YES1: variants seen among roughly 807,000 people sequenced by gnomAD.
The protein encoded by YES1 is tyrosine-protein kinase Yes.
A neutral mutation model predicts 70.4 loss-of-function variants in YES1; 39 were observed. The observed-to-expected ratio is 0.55, with a 90% CI of 0.43 to 0.72. The LOEUF (loss-of-function observed/expected upper bound fraction) is 0.72, where lower values mean the gene tolerates loss of function less well. Among genes scored for constraint, YES1 ranks in the 30% least tolerant of loss-of-function variants. YES1 has a pLI of 0.00. For missense variants in YES1, 495 were observed against 644.8 expected, an observed-to-expected ratio of 0.77 and a Z score of 2.52; for synonymous variants, 198 against 218.6, an observed-to-expected ratio of 0.91 and a Z score of 0.83.
intron 1 of YES1, among the ~76,000 whole-genome samples, chr18:810,377 C>G (rs1444234829): frequency 6.6e-6 from 1 of 152,030 alleles, no homozygotes; most frequent in Non-Finnish European, 1.5e-5. Context: ...ACAAAAACAG[C>G]CCATGTATTA....
chr18:764,204 G>C (rs1904751569), intron 1 of YES1, among the ~76,000 whole-genome samples: 1 of 151,744 alleles, frequency 6.6e-6, no homozygotes, highest in African/African-American at 2.4e-5. Flanking sequence ...ATTAAGGGTT[G>C]GCTGACTCCA....
At chr18:735,153 T>A (rs1287316482) in intron 10 of YES1, among the ~76,000 whole-genome samples, 3 of 55,724 alleles carry the variant, frequency 5.4e-5, no homozygotes, top group African/African-American at 8.9e-5. Context: ...TGAGACTGTG[T>A]CTCAAAGCAA....
chr18:747,109 T>A (rs1471596746), intron 4 of YES1, among the ~76,000 whole-genome samples: 1 of 152,234 alleles, frequency 6.6e-6, no homozygotes, highest in African/African-American at 2.4e-5. Flanking sequence ...ATGGGCATAT[T>A]ACTTTTATAA....
intron 1 of YES1, among the ~76,000 whole-genome samples, chr18:789,144 A>C (rs1906112265): frequency 6.6e-6 from 1 of 152,204 alleles, no homozygotes; most frequent in East Asian, 1.9e-4. Context: ...TTCATTGAGT[A>C]CTGATAACAG....
At chr18:781,269 C>CAAAAAAAA (rs1167805094) in intron 1 of YES1, among the ~76,000 whole-genome samples, 25 of 101,332 alleles carry the variant, frequency 2.5e-4, no homozygotes, top group African/African-American at 7.2e-4. Context: ...AACTCTGTCT[C>CAAAAAAAA]AAAAAAAAAA....
intron 10 of YES1, 123 bp from the exon 11 acceptor site, chr18:733,088 A>G (rs964798223): frequency 3.3e-5 from 28 of 841,940 alleles, no homozygotes; most frequent in Non-Finnish European, 5.2e-5. Context: ...AATTCTTTAA[A>G]TGTACAAGAT....
At chr18:757,451 AGAGATCGCGCCAC>A (rs1904344015) in intron 1 of YES1, among the ~76,000 whole-genome samples, 1 of 148,852 alleles carries the variant, frequency 6.7e-6, no homozygotes, top group East Asian at 2.0e-4. Context: ...TGCAGTGAGC[AGAGATCGCGCCAC>A]TGCACTCCAG....
chr18:792,527 A>ATCTCTCTC (rs374164158), intron 1 of YES1, among the ~76,000 whole-genome samples: 10,542 of 115,180 alleles, frequency 0.092, 514 homozygotes, highest in East Asian at 0.23. Flanking sequence ...CTGAGACTCC[A>ATCTCTCTC]TCTCTCTCTC....
At chr18:806,148 G>A (rs1907086435) in intron 1 of YES1, among the ~76,000 whole-genome samples, 1 of 152,146 alleles carries the variant, frequency 6.6e-6, no homozygotes, top group Non-Finnish European at 1.5e-5. Context: ...AGTCATAATT[G>A]TAATACTGAT....
chr18:735,062 C>A (rs1423951551), intron 10 of YES1, among the ~76,000 whole-genome samples: 1 of 148,676 alleles, frequency 6.7e-6, no homozygotes, highest in Non-Finnish European at 1.5e-5. Flanking sequence ...GAGGCTGAGG[C>A]AGGAGAATCA....
chr18:783,208 C>T (rs972476524), intron 1 of YES1, among the ~76,000 whole-genome samples: 1 of 152,064 alleles, frequency 6.6e-6, no homozygotes, highest in African/African-American at 2.4e-5. Flanking sequence ...AATAGCTAGA[C>T]CCCATCTCTT....
At chr18:740,508 G>A (rs563617481) in intron 8 of YES1, among the ~76,000 whole-genome samples, 8 of 152,306 alleles carry the variant, frequency 5.3e-5, no homozygotes, top group African/African-American at 1.9e-4. Flanking sequence ...AAACTGGATC[G>A]GGGAAGTGTA....
intron 1 of YES1, among the ~76,000 whole-genome samples, chr18:783,431 A>T (rs1905777494): frequency 1.3e-5 from 2 of 151,932 alleles, no homozygotes; most frequent in African/African-American, 4.8e-5. Context: ...TAATCACATA[A>T]CCTATAGCTC....
intron 11 of YES1, among the ~76,000 whole-genome samples, chr18:726,995 T>G (rs185290377): frequency 1.8e-4 from 28 of 152,236 alleles, no homozygotes; most frequent in African/African-American, 6.5e-4. Flanking sequence ...ATGTGGAAAG[T>G]TCTTTCCAAA....
At chr18:772,884 T>C (rs906710971) in intron 1 of YES1, among the ~76,000 whole-genome samples, 4 of 152,236 alleles carry the variant, frequency 2.6e-5, no homozygotes, top group African/African-American at 9.6e-5. Flanking sequence ...AGCACTTTAA[T>C]TGCCTGTTTC....
In YES1 at chr18:751,698, C is replaced by T; in HGVS notation, c.371+7G>A. 1.3e-6 allele frequency: 2 copies of T among 1,503,928 alleles called. No homozygotes were observed. Among genetic ancestry groups the T allele is most frequent in the Non-Finnish European group, 1.8e-6 (2 of 1,084,488 alleles). The allele number at this position is 1,503,928 out of a possible 1,614,324, so 93.2% of individuals were successfully genotyped here. A position where few individuals can be genotyped will look rare whatever the true frequency, so the allele number is the denominator to read the frequency against. ...TATTTCTCTCACAAAATATTCATGA[C>T]ACTTACGTATTGTTAATTATTTGAA... On this transcript the variant is annotated splice_region_variant and intron_variant, in intron 3 of 11. Transcript: ENST00000314574.
chr18:791,067 T>C (rs1045093542), intron 1 of YES1, among the ~76,000 whole-genome samples: 3 of 146,596 alleles, frequency 2.0e-5, no homozygotes, highest in African/African-American at 7.7e-5. Flanking sequence ...CTGGCCAACA[T>C]GGTGAAACCC....
chr18:754,268 C>G (rs552583373), intron 2 of YES1, among the ~76,000 whole-genome samples: 1 of 152,150 alleles, frequency 6.6e-6, no homozygotes, highest in Non-Finnish European at 1.5e-5. Context: ...TAATACAATT[C>G]TCCCCTCTGT....
intron 1 of YES1, among the ~76,000 whole-genome samples, chr18:763,475 G>A (rs1904697840): frequency 6.6e-6 from 1 of 152,042 alleles, no homozygotes; most frequent in Non-Finnish European, 1.5e-5. Flanking sequence ...TGGAAAGATT[G>A]CTTGAGCCTA....
Sources: allele counts gnomAD v4.1 joint callset (sites outside exome capture counted in the v4.1 genomes callset), GRCh38; gene constraint gnomAD v4.1.1; transcripts MANE v1.5; gene names NCBI Gene and HGNC (gene_info 2026-07-23, HGNC 2026-07-21).